ACADVL: variants seen among roughly 807,000 people sequenced by gnomAD.
The protein encoded by ACADVL is very long-chain acyl-CoA dehydrogenase, mitochondrial.
In ACADVL, 73 loss-of-function variants were observed where a neutral mutation model predicts 80.4. The observed-to-expected ratio is 0.91, with a 90% confidence interval of 0.75 to 1.10. The LOEUF (loss-of-function observed/expected upper bound fraction) is 1.10, where lower values mean the gene tolerates loss of function less well. Ranked by LOEUF, ACADVL falls within the 50% of genes least tolerant of loss-of-function variation. The probability of loss-of-function intolerance (pLI) is 0.00; values close to 1 mark genes in which losing one functional copy is unlikely to be tolerated. For missense variants in ACADVL, 878 were observed against 858.9 expected (o/e 1.02, Z -0.28); for synonymous variants, 392 against 326.5 (o/e 1.20, Z -2.16).
chr17:7,223,729 C>A lies in ACADVL; in HGVS notation c.1268C>A (p.Ser423Ter), dbSNP rs1451455641. 1.2e-6 allele frequency: 2 copies of A among 1,613,982 alleles called. No individual in the cohort carries two copies. The highest frequency in any genetic ancestry group is 2.7e-5 in the African/African-American group (2 of 74,888). ...IEAAISKIFG[S>*]EAAWKVTDEC... ...GCCGCCATCAGCAAAATCTTTGGCT[C>A]GGTGAGGTCCCAGGCATGCTGGGAG... The change falls in exon 12 of 20, where the codon TCG (serine) becomes TAG (stop). Residue 423 changes from serine (S) to a stop codon, truncating the protein, a stop_gained and splice_region_variant. Transcript: ENST00000356839. LOFTEE classifies it high-confidence loss of function.
At chr17:7,217,730 G>A, upstream of ACADVL, 1 of 1,535,216 alleles carries the variant, frequency 6.5e-7, no homozygotes, top group South Asian at 1.2e-5. Context: ...CCGGATAATG[G>A]GAAAGGAGAT....
In ACADVL at chr17:7,220,820, GT is replaced by G. The variant is rs764028320; in HGVS notation, c.335del (p.Phe112SerfsTer5). The G allele has an allele frequency of 3.1e-6, 5 of 1,613,978 alleles. No homozygotes were observed. The highest frequency in any genetic ancestry group is 3.4e-6 in the Non-Finnish European group (4 of 1,180,040). ...AAAGAGCTGGTGGAGCCTGTGTCCC[GT>G]TTCTTCGAGGTAAGGAATGACTCGG... The part of the protein sequence containing the change: ...FLKELVEPVS[R>X]FFEEVNDPAK... On this transcript the variant is annotated frameshift_variant, in exon 5 of 20. Coordinates refer to ENST00000356839, the MANE Select transcript of ACADVL (RefSeq NM_000018.4). LOFTEE classifies it high-confidence loss of function.
chr17:7,217,577 G>A (rs989326384), upstream of ACADVL: 3 of 1,365,162 alleles, frequency 2.2e-6, no homozygotes, highest in East Asian at 3.0e-5. Flanking sequence ...GGTTGGAAAC[G>A]GCAGCGGCCG....
upstream of ACADVL, chr17:7,219,844 A>G: frequency 6.5e-7 from 1 of 1,538,396 alleles, no homozygotes; most frequent in Non-Finnish European, 8.7e-7. Flanking sequence ...TACAGCTCCC[A>G]GCATGCCCCG....
chr17:7,223,075 C>A lies in ACADVL; in HGVS notation c.1078-58C>A. The stretch of plus-strand genomic sequence containing the variant: ...CCTCTGGCGCAAGCCCAGCCCCTCT[C>A]CTAGGGAGACTGCAGAACCACACTG... On this transcript the variant is annotated intron_variant, in intron 10 of 19. Coordinates refer to ENST00000356839, the MANE Select transcript of ACADVL (RefSeq NM_000018.4). 1.9e-6 allele frequency: 3 copies of A among 1,549,182 alleles called. No homozygotes were observed. In the East Asian group the frequency reaches 6.7e-5, roughly 35 times the overall value.
intron 11 of ACADVL, 198 bp from the exon 12 acceptor site, chr17:7,223,446 T>C: frequency 1.2e-6 from 1 of 805,594 alleles, no homozygotes; most frequent in Admixed American, 1.9e-5. Flanking sequence ...TACCAGAAGT[T>C]AATTCTACCT....
chr17:7,219,953 C>A lies in ACADVL; in HGVS notation c.-32C>A. 7 of 1,101,122 alleles carry A rather than the reference C, an allele frequency of 6.4e-6. No homozygotes were observed. The highest frequency in any genetic ancestry group is 9.2e-6 in the Non-Finnish European group (7 of 762,056). The allele number at this position is 1,101,122 out of a possible 1,614,324, so 68.2% of individuals were successfully genotyped here. ...GCAGGACGCCAGAGCTGGGTCAGAG[C>A]TCGAGCCAGCGGCGCCCGGAGAGAT... On this transcript the variant is annotated 5_prime_UTR_variant, in exon 1 of 20. Coordinates refer to ENST00000356839, the MANE Select transcript of ACADVL (RefSeq NM_000018.4).
chr17:7,223,454 C>A, intron 11 of ACADVL, 190 bp from the exon 12 acceptor site: 2 of 814,218 alleles, frequency 2.5e-6, no homozygotes, highest in Non-Finnish European at 4.3e-6. Flanking sequence ...GTTAATTCTA[C>A]CTCATCCCTT....
At chr17:7,222,473 A>C in intron 9 of ACADVL, 171 bp downstream of exon 9, 2 of 1,189,316 alleles carry the variant, frequency 1.7e-6, no homozygotes, top group Non-Finnish European at 2.3e-6. Flanking sequence ...TGGCTCCAGC[A>C]ACCAAGTCCA....
chr17:7,222,341 G>T (rs367889536), intron 9 of ACADVL, 39 bp downstream of exon 9: 7 of 1,605,392 alleles, frequency 4.4e-6, no homozygotes, highest in Non-Finnish European at 6.0e-6. Flanking sequence ...GGACTGAGGG[G>T]CAGGACTGGG....
rs755185338 is a variant in ACADVL at position 7,219,941 on chromosome 17, G to A, written c.-44G>A. The A allele has an allele frequency of 6.3e-7, 1 of 1,582,684 alleles. No homozygotes were observed. Among genetic ancestry groups the A allele is most frequent in the Non-Finnish European group, 8.5e-7 (1 of 1,169,748 alleles). On this transcript the variant is annotated 5_prime_UTR_variant, in exon 1 of 20. Coordinates refer to ENST00000356839, the MANE Select transcript of ACADVL (RefSeq NM_000018.4). Reference sequence around the variant, plus strand: ...GGACGTGGGCGTGCAGGACGCCAGAGCTGGGTCAGAGCTCGAGCCAGCGGC... The same window carrying A: ...GGACGTGGGCGTGCAGGACGCCAGAACTGGGTCAGAGCTCGAGCCAGCGGC...
Position 7,224,983 on chromosome 17 carries a change from G to T in ACADVL, c.1854G>T (p.Met618Ile). The change falls in exon 20 of 20, where the codon ATG becomes ATT. Residue 618 changes from methionine (M) to isoleucine (I), a missense_variant. Coordinates refer to ENST00000356839, the MANE Select transcript of ACADVL (RefSeq NM_000018.4). The part of the protein sequence containing the change: ...IEAAARIREG[M>I]AALQSDPWQQ... ...CTGCAGCTCGGATCCGAGAGGGCAT[G>T]GCCGCCCTGCAGTCTGACCCCTGGC... is the stretch of plus-strand genomic sequence containing the variant. 6.2e-7 allele frequency: 1 copy of T among 1,614,122 alleles called. No homozygotes were observed.
intron 2 of ACADVL, 101 bp from the exon 3 acceptor site, chr17:7,220,363 G>T (rs545081839): frequency 6.3e-7 from 1 of 1,581,744 alleles, no homozygotes; most frequent in African/African-American, 1.3e-5. Flanking sequence ...CTAGGGGAAA[G>T]GTCACCGCTT....
In ACADVL at chr17:7,222,677, GAGA is replaced by G. The variant is rs387906252; in HGVS notation, c.896_898del (p.Lys299del). The G allele has an allele frequency of 1.2e-5, 19 of 1,613,636 alleles. No homozygotes were observed. Among genetic ancestry groups the G allele is most frequent in the African/African-American group, 2.7e-5 (2 of 74,900 alleles). On this transcript the variant is annotated inframe_deletion, in exon 10 of 20. Transcript: ENST00000356839. ...ACTGCCCTGACACAGTGGGCCCCCTGAGAAGAAGATGGGCATCAAGGCTTCAAA... is the reference window on the plus strand; with the variant it reads ...ACTGCCCTGACACAGTGGGCCCCCTGAGAAGATGGGCATCAAGGCTTCAAA...
upstream of ACADVL, chr17:7,218,204 C>T (rs1257779990): frequency 1.3e-6 from 2 of 1,585,596 alleles, no homozygotes; most frequent in East Asian, 4.6e-5. Context: ...CCCTGCCTGC[C>T]CCTCAGGAAG....
Position 7,225,044 on chromosome 17 carries a change from A to C in ACADVL, c.1915A>C (p.Lys639Gln), listed in dbSNP as rs771122302. Reference protein sequence around the residue: ...ELYRNFKSISKALVERGGVVT... With the variant: ...ELYRNFKSISQALVERGGVVT... ...CTACCGCAACTTCAAAAGCATCTCC[A>C]AGGCCTTGGTGGAGCGGGGTGGTGT... Residue 639 changes from lysine to glutamine, a missense_variant, in exon 20 of 20, where the codon AAG becomes CAG. Transcript: ENST00000356839. 6 of 1,613,922 alleles carry C rather than the reference A, an allele frequency of 3.7e-6. No homozygotes were observed. In the South Asian group the frequency reaches 6.6e-5, roughly 18 times the overall value.
Position 7,224,811 on chromosome 17 carries a change from C to T in ACADVL, c.1754C>T (p.Ala585Val), listed in dbSNP as rs374729641. ...TTTCATCTCCTGCTTCCTGCCAGGG[C>T]CTCAAGATCCCTGAGTGAGGGCCAC... ...LYAMVVVLSRASRSLSEGHPT... is the reference protein window; with the variant it reads ...LYAMVVVLSRVSRSLSEGHPT... The change falls in exon 19 of 20, where the codon GCC (alanine) becomes GTC (valine). Residue 585 changes from alanine (A) to valine (V), a missense_variant and splice_region_variant. By Grantham distance (64) the Ala-to-Val change is moderately conservative. Coordinates refer to ENST00000356839, the MANE Select transcript of ACADVL (RefSeq NM_000018.4). The T allele has an allele frequency of 5.4e-5, 87 of 1,613,888 alleles. 1 individual carries two copies. The Middle Eastern group carries it at 8.2e-4, about 15-fold the overall frequency.
chr17:7,223,248 C>G lies in ACADVL; in HGVS notation c.1182+11C>G. 5 of 1,603,684 alleles carry G rather than the reference C, an allele frequency of 3.1e-6. No homozygotes were observed. The highest frequency in any genetic ancestry group is 4.3e-6 in the Non-Finnish European group (5 of 1,170,532). On this transcript the variant is annotated intron_variant, in intron 11 of 19. Transcript: ENST00000356839. ...CAGTATGTAACTGAGGTGAGGGCCT[C>G]CCAAGCCCCTCTCCCTGGAGCCCTG...
Position 7,224,444 on chromosome 17 carries a change from G to A in ACADVL, c.1606-36G>A, listed in dbSNP as rs890862631. 6.2e-7 allele frequency: 1 copy of A among 1,613,786 alleles called. No homozygotes were observed. The highest frequency in any genetic ancestry group is 8.5e-7 in the Non-Finnish European group (1 of 1,179,940). Reference sequence around the variant, plus strand: ...CCTGCATCAGGGACTGCAGCCGATGGCCCCTCTGAGCCCCGCACTGTCCCC... The same window carrying A: ...CCTGCATCAGGGACTGCAGCCGATGACCCCTCTGAGCCCCGCACTGTCCCC... On this transcript the variant is annotated intron_variant, in intron 16 of 19. Transcript: ENST00000356839.
Sources: gnomAD v4.1 joint callset for allele counts on GRCh38, gnomAD v4.1.1 for gene constraint, MANE v1.5 for transcripts, NCBI Gene and HGNC (gene_info 2026-07-23, HGNC 2026-07-21) for gene names.